Variants in PRKAA2 observed in about 807,000 individuals in gnomAD.
The protein encoded by PRKAA2 is 5'-AMP-activated protein kinase catalytic subunit alpha-2.
Under a neutral mutation model 56.3 loss-of-function variants are expected in PRKAA2, and 40 were observed. That is an observed-to-expected ratio of 0.71 (90% confidence interval 0.55 to 0.92). The LOEUF is 0.92. Ranked by LOEUF, PRKAA2 falls within the 40% of genes least tolerant of loss-of-function variation. The pLI is 0.00. For missense variants in PRKAA2, 542 were observed against 686.9 expected, an observed-to-expected ratio of 0.79 and a Z score of 2.36; for synonymous variants, 214 against 234.2, an observed-to-expected ratio of 0.91 and a Z score of 0.79.
At chr1:56,677,715 G>A (rs1284977685) in intron 2 of PRKAA2, among the ~76,000 whole-genome samples, 1 of 150,246 alleles carries the variant, frequency 6.7e-6, no homozygotes, top group Admixed American at 6.6e-5. Flanking sequence ...GGAGTGCAGT[G>A]GTGCAATCTT....
chr1:56,645,851 T>A (rs1342240685), intron 1 of PRKAA2, among the ~76,000 whole-genome samples: 1 of 152,198 alleles, frequency 6.6e-6, no homozygotes, highest in African/African-American at 2.4e-5. Context: ...CTTCCAGCTC[T>A]GAGCCTGTAG....
intron 5 of PRKAA2, among the ~76,000 whole-genome samples, chr1:56,695,166 C>CTCTATATATGATATATTATATATA (rs1557559857): frequency 3.9e-4 from 55 of 142,630 alleles, no homozygotes; most frequent in African/African-American, 1.2e-3. Context: ...ATCTCTCTCT[C>CTCTATATATGATATATTATATATA]TATATATATG....
chr1:56,681,694 T>A (rs1569759054), intron 2 of PRKAA2, among the ~76,000 whole-genome samples: 1 of 152,158 alleles, frequency 6.6e-6, no homozygotes, highest in East Asian at 1.9e-4. Context: ...CTGAGGCCTC[T>A]GCTCTGTTCC....
At chr1:56,671,656 C>T (rs569548478) in intron 1 of PRKAA2, among the ~76,000 whole-genome samples, 18 of 152,170 alleles carry the variant, frequency 1.2e-4, no homozygotes, top group Non-Finnish European at 2.5e-4. Flanking sequence ...GACAGAAACT[C>T]AGTTCTTCCT....
At chr1:56,649,283 T>G (rs1281240877) in intron 1 of PRKAA2, among the ~76,000 whole-genome samples, 1 of 152,246 alleles carries the variant, frequency 6.6e-6, no homozygotes, top group African/African-American at 2.4e-5. Context: ...GGATAACCAA[T>G]TGTCTCAGCA....
At chr1:56,651,466 G>A (rs1198753546) in intron 1 of PRKAA2, among the ~76,000 whole-genome samples, 2 of 152,100 alleles carry the variant, frequency 1.3e-5, no homozygotes, top group African/African-American at 4.8e-5. Flanking sequence ...CAAAGTTCCA[G>A]TGCTATTAAG....
At chr1:56,668,202 G>A (rs1402246053) in intron 1 of PRKAA2, among the ~76,000 whole-genome samples, 3 of 149,278 alleles carry the variant, frequency 2.0e-5, no homozygotes, top group South Asian at 2.1e-4. Context: ...CTCATAGGTG[G>A]GAATTGAACA....
chr1:56,665,787 T>C (rs922559612), intron 1 of PRKAA2, among the ~76,000 whole-genome samples: 2 of 152,200 alleles, frequency 1.3e-5, no homozygotes, highest in Non-Finnish European at 2.9e-5. Context: ...TTTTCTCTGA[T>C]GACCCATGAT....
At chr1:56,686,702 T>A (rs1644193603) in intron 2 of PRKAA2, among the ~76,000 whole-genome samples, 1 of 152,088 alleles carries the variant, frequency 6.6e-6, no homozygotes, top group Admixed American at 6.6e-5. Flanking sequence ...ACTGAGGCAA[T>A]GGTGCTAAAC....
In PRKAA2 at chr1:56,649,730, C is replaced by T. The variant is rs575080681; in HGVS notation, c.94+4249C>T. On this transcript the variant is annotated intron_variant, in intron 1 of 8. Coordinates refer to ENST00000371244, the MANE Select transcript of PRKAA2 (RefSeq NM_006252.4). ...GTGGCCTTAAGCAGTCTATCTGCCTCAGCCTCACAGTGTTGGGATTACAAA... is the reference window on the plus strand; with the variant it reads ...GTGGCCTTAAGCAGTCTATCTGCCTTAGCCTCACAGTGTTGGGATTACAAA... 1.2e-3 allele frequency among the ~76,000 whole-genome samples: 182 copies of T among 152,278 alleles called. No individual in the cohort carries two copies. The Middle Eastern group carries it at 0.017, about 14-fold the overall frequency.
chr1:56,693,770 T>C lies in PRKAA2; in HGVS notation c.481T>C (p.Ser161Pro), dbSNP rs1234093391. The change falls in exon 5 of 9, where the codon TCT becomes CCT. Residue 161 changes from serine (S) to proline (P), a missense_variant. By Grantham distance (74) the Ser-to-Pro change is moderately conservative. Transcript: ENST00000371244. ...AACATTACTTTTATTTTTAGGATTA[T>C]CTAATATGATGTCAGATGGTGAATT... ...MNAKIADFGL[S>P]NMMSDGEFLR... 6.3e-7 allele frequency: 1 copy of C among 1,576,018 alleles called. No homozygotes were observed. The highest frequency in any genetic ancestry group is 1.3e-5 in the African/African-American group (1 of 74,126).
rs1481507443 is a variant in PRKAA2 at position 56,712,976 on chromosome 1, G to A, written c.*5263G>A. ...TGCAGATTGATTTTTCATTTTGTATGTATATTACATGATATAACTATTTTC... is the reference window on the plus strand; with the variant it reads ...TGCAGATTGATTTTTCATTTTGTATATATATTACATGATATAACTATTTTC... On this transcript the variant is annotated 3_prime_UTR_variant, in exon 9 of 9. Coordinates refer to ENST00000371244, the MANE Select transcript of PRKAA2 (RefSeq NM_006252.4). The A allele has an allele frequency of 6.6e-6, 1 of 152,066 alleles. No homozygotes were observed. Among genetic ancestry groups the A allele is most frequent in the East Asian group, 1.9e-4 (1 of 5,186 alleles). The allele number at this position is 152,066 out of a possible 1,614,324, so 9.4% of individuals were successfully genotyped here. A position where few individuals can be genotyped will look rare whatever the true frequency, so the allele number is the denominator to read the frequency against.
At chr1:56,678,180 A>G (rs1644126948) in intron 2 of PRKAA2, among the ~76,000 whole-genome samples, 1 of 152,252 alleles carries the variant, frequency 6.6e-6, no homozygotes, top group Non-Finnish European at 1.5e-5. Context: ...AGATTAATTC[A>G]TTCAGCCACA....
At chr1:56,676,843 G>C (rs1269928262) in intron 2 of PRKAA2, among the ~76,000 whole-genome samples, 1 of 152,086 alleles carries the variant, frequency 6.6e-6, no homozygotes, top group African/African-American at 2.4e-5. Flanking sequence ...GGATTGGTGT[G>C]GATGACCGGT....
intron 2 of PRKAA2, among the ~76,000 whole-genome samples, chr1:56,686,371 T>G (rs1644191362): frequency 6.6e-6 from 1 of 152,240 alleles, no homozygotes; most frequent in Non-Finnish European, 1.5e-5. Context: ...GTTGCACTCA[T>G]CAGTGTATAT....
At chr1:56,655,544 C>T (rs928602094) in intron 1 of PRKAA2, among the ~76,000 whole-genome samples, 1 of 151,338 alleles carries the variant, frequency 6.6e-6, no homozygotes, top group African/African-American at 2.4e-5. Flanking sequence ...TTTAGTCATA[C>T]GGGATTTTAA....
chr1:56,650,503 A>C (rs1646678409), intron 1 of PRKAA2, among the ~76,000 whole-genome samples: 1 of 152,254 alleles, frequency 6.6e-6, no homozygotes, highest in Non-Finnish European at 1.5e-5. Flanking sequence ...AAGGTGATAG[A>C]AATTCTAGAA....
chr1:56,681,845 TTTTG>T (rs1644157401), intron 2 of PRKAA2, among the ~76,000 whole-genome samples: 1 of 152,194 alleles, frequency 6.6e-6, no homozygotes, highest in Non-Finnish European at 1.5e-5. Flanking sequence ...GTGGGCTCTT[TTTTG>T]GTTCCATATG....
chr1:56,713,794 CCATTTTTCTAGACAGATAA>C lies in PRKAA2; in HGVS notation c.*6088_*6106del, dbSNP rs1644385410. On this transcript the variant is annotated 3_prime_UTR_variant, in exon 9 of 9. Transcript: ENST00000371244. ...ATTTAAGTTTTGCTACCAAAAATGG[CCATTTTTCTAGACAGATAA>C]CATTTTCCTAAAGTGGAAGAGAGAT... 1.4e-5 allele frequency: 2 copies of C among 144,604 alleles called. No homozygotes were observed. Among genetic ancestry groups the C allele is most frequent in the African/African-American group, 5.2e-5 (2 of 38,382 alleles). The allele number at this position is 144,604 out of a possible 1,614,324, so 9.0% of individuals were successfully genotyped here.
Sources: gnomAD v4.1 joint callset for allele counts (sites outside exome capture counted in the v4.1 genomes callset) on GRCh38, gnomAD v4.1.1 for gene constraint, MANE v1.5 for transcripts, NCBI Gene and HGNC (gene_info 2026-07-23, HGNC 2026-07-21) for gene names.